Variants in SLC1A1 observed in about 807,000 individuals in gnomAD.
The protein encoded by SLC1A1 is excitatory amino acid transporter 3.
A neutral mutation model predicts 53.3 loss-of-function variants in SLC1A1; 43 were observed. The ratio of observed to expected loss-of-function variants is 0.81; its 90% CI spans 0.63 to 1.04. The LOEUF (loss-of-function observed/expected upper bound fraction) is 1.04. Among genes scored for constraint, SLC1A1 ranks in the 50% least tolerant of loss-of-function variants. The pLI is 0.00. For synonymous variants in SLC1A1, 307 were observed against 243.2 expected, an observed-to-expected ratio of 1.26 and a Z score of -2.44; for missense variants, 748 against 664.9, an observed-to-expected ratio of 1.12 and a Z score of -1.37.
chr9:4,502,709 T>C (rs1028798715), intron 1 of SLC1A1, among the ~76,000 whole-genome samples: 6 of 151,742 alleles, frequency 4.0e-5, no homozygotes, highest in Non-Finnish European at 5.9e-5. Flanking sequence ...TTATTAATCA[T>C]TAAGCAAGTC....
chr9:4,586,363 G>C lies in SLC1A1; in HGVS notation c.*805G>C, dbSNP rs1255203567. On this transcript the variant is annotated 3_prime_UTR_variant, in exon 12 of 12. Coordinates refer to ENST00000262352, the MANE Select transcript of SLC1A1 (RefSeq NM_004170.6). ...CCCAGGTCTGCTTTGGGGCTTATCA[G>C]AACTCCTTTCTAAGGAGCACTAGAA... 6.6e-6 allele frequency: 1 copy of C among 152,094 alleles called. No homozygotes were observed. Among genetic ancestry groups the C allele is most frequent in the Non-Finnish European group, 1.5e-5 (1 of 68,030 alleles). 9.4% of individuals were successfully genotyped at this position (152,094 alleles called of 1,614,324 possible).
intron 1 of SLC1A1, among the ~76,000 whole-genome samples, chr9:4,521,061 T>G (rs1427181149): frequency 6.6e-6 from 1 of 152,234 alleles, no homozygotes; most frequent in Non-Finnish European, 1.5e-5. Context: ...ACTGTCCATT[T>G]GTATATCTTC....
At chr9:4,552,098 A>T (rs2130892271) in intron 2 of SLC1A1, among the ~76,000 whole-genome samples, 1 of 152,348 alleles carries the variant, frequency 6.6e-6, no homozygotes, top group Non-Finnish European at 1.5e-5. Flanking sequence ...AGCTCTGTTC[A>T]GCTGTAAGAT....
intron 1 of SLC1A1, among the ~76,000 whole-genome samples, chr9:4,496,991 G>A (rs1362646975): frequency 6.6e-6 from 1 of 152,114 alleles, no homozygotes; most frequent in African/African-American, 2.4e-5. Flanking sequence ...AGTGTGAAAT[G>A]GAGGGACCTA....
At chr9:4,551,634 TAC>T (rs1817938755) in intron 2 of SLC1A1, among the ~76,000 whole-genome samples, 1 of 152,262 alleles carries the variant, frequency 6.6e-6, no homozygotes, top group South Asian at 2.1e-4. Context: ...TGGTCCATTA[TAC>T]AGTTTAGTTT....
chr9:4,538,708 G>C (rs1459697581), intron 1 of SLC1A1, among the ~76,000 whole-genome samples: 3 of 152,184 alleles, frequency 2.0e-5, no homozygotes, highest in African/African-American at 7.2e-5. Flanking sequence ...ATGGACTCCA[G>C]CATCTGTGCT....
chr9:4,576,497 AGGCAT>A, intron 9 of SLC1A1, 67 bp from the exon 10 acceptor site: 1 of 1,251,500 alleles, frequency 8.0e-7, no homozygotes, highest in Non-Finnish European at 1.2e-6. Flanking sequence ...TTTGGAAGAC[AGGCAT>A]GTCTTCAGGC....
chr9:4,494,254 T>C (rs1820333519), intron 1 of SLC1A1, among the ~76,000 whole-genome samples: 1 of 152,122 alleles, frequency 6.6e-6, no homozygotes, highest in East Asian at 1.9e-4. Flanking sequence ...AAACTGTGTA[T>C]TTCCCTACAA....
intron 5 of SLC1A1, among the ~76,000 whole-genome samples, chr9:4,567,203 A>G (rs1819573220): frequency 2.0e-5 from 3 of 152,248 alleles, no homozygotes; most frequent in Admixed American, 2.0e-4. Context: ...TGATTTTGGA[A>G]CAACCATATC....
At chr9:4,577,394 T>C (rs1586850669) in intron 10 of SLC1A1, among the ~76,000 whole-genome samples, 1 of 152,040 alleles carries the variant, frequency 6.6e-6, no homozygotes, top group South Asian at 2.1e-4. Context: ...GAGGCAGGGG[T>C]CATGTCATGA....
At position 4,572,189 on chromosome 9, in the gene SLC1A1, G is replaced by A. The variant is rs1169010349; in HGVS notation, c.583-15G>A. The A allele has an allele frequency of 1.2e-6, 2 of 1,606,144 alleles. No individual in the cohort carries two copies. Among genetic ancestry groups the A allele is most frequent in the South Asian group, 2.2e-5 (2 of 90,882 alleles). ...TAATCGTGCATCAATATGTTTTCTTGGTTTTGATCCACAGAACAAAACAAA... is the reference window on the plus strand; with the variant it reads ...TAATCGTGCATCAATATGTTTTCTTAGTTTTGATCCACAGAACAAAACAAA... On this transcript the variant is annotated splice_polypyrimidine_tract_variant and intron_variant, in intron 6 of 11. Coordinates refer to ENST00000262352, the MANE Select transcript of SLC1A1 (RefSeq NM_004170.6).
At chr9:4,500,754 T>A (rs1356289907) in intron 1 of SLC1A1, among the ~76,000 whole-genome samples, 1 of 152,226 alleles carries the variant, frequency 6.6e-6, no homozygotes, top group Non-Finnish European at 1.5e-5. Context: ...TGACTCACTC[T>A]TTTTCAGAAA....
intron 5 of SLC1A1, 35 bp from the exon 6 acceptor site, chr9:4,567,634 T>A: frequency 6.9e-7 from 1 of 1,445,552 alleles, no homozygotes; most frequent in Non-Finnish European, 9.7e-7. Flanking sequence ...AATTCTTTTT[T>A]TGTTTGCTTG....
At chr9:4,558,873 T>C (rs1564036874) in intron 2 of SLC1A1, among the ~76,000 whole-genome samples, 1 of 152,208 alleles carries the variant, frequency 6.6e-6, no homozygotes, top group African/African-American at 2.4e-5. Flanking sequence ...GGGCTACAGA[T>C]GAGTTACTTG....
intron 1 of SLC1A1, among the ~76,000 whole-genome samples, chr9:4,514,898 TTTACA>T (rs1329522543): frequency 6.6e-6 from 1 of 152,146 alleles, no homozygotes; most frequent in South Asian, 2.1e-4. Flanking sequence ...CATCACTCAC[TTTACA>T]TTACATTACA....
intron 1 of SLC1A1, among the ~76,000 whole-genome samples, chr9:4,508,348 T>C (rs1381298055): frequency 2.0e-5 from 3 of 151,592 alleles, no homozygotes. Flanking sequence ...TGTGGGAGAG[T>C]GAGAGTCTGG....
At chr9:4,545,535 G>A (rs1207636650) in intron 2 of SLC1A1, among the ~76,000 whole-genome samples, 1 of 152,186 alleles carries the variant, frequency 6.6e-6, no homozygotes, top group Non-Finnish European at 1.5e-5. Context: ...CAGCTGTGCT[G>A]CCCCCAGCCT....
chr9:4,490,886 C>T (rs976315677), intron 1 of SLC1A1, 116 bp downstream of exon 1: 9 of 793,784 alleles, frequency 1.1e-5, no homozygotes, highest in South Asian at 1.6e-5. Context: ...TCCCTCGATG[C>T]CCCCTCGGCC....
At chr9:4,571,269 ATAAT>A (rs1177274408) in intron 6 of SLC1A1, among the ~76,000 whole-genome samples, 1 of 152,208 alleles carries the variant, frequency 6.6e-6, no homozygotes, top group African/African-American at 2.4e-5. Context: ...ATCAGGAAAA[ATAAT>A]TAATGGATAC....
Sources: allele counts gnomAD v4.1 joint callset (sites outside exome capture counted in the v4.1 genomes callset), GRCh38; gene constraint gnomAD v4.1.1; transcripts MANE v1.5; gene names NCBI Gene and HGNC (gene_info 2026-07-23, HGNC 2026-07-21).